Variants in SLBP observed in about 807,000 individuals in gnomAD.
The protein encoded by SLBP is histone RNA hairpin-binding protein.
A neutral mutation model predicts 39.2 loss-of-function variants in SLBP; 29 were observed. The observed-to-expected ratio is 0.74, with a 90% CI of 0.55 to 1.01. The LOEUF is 1.01. Among genes scored for constraint, SLBP ranks in the 50% least tolerant of loss-of-function variants. The pLI, the probability that SLBP is intolerant of heterozygous loss-of-function variation, is 0.00. For synonymous variants in SLBP, 129 were observed against 118.7 expected, an observed-to-expected ratio of 1.09 and a Z score of -0.57; for missense variants, 390 against 350.2, an observed-to-expected ratio of 1.11 and a Z score of -0.91.
intron 2 of SLBP, among the ~76,000 whole-genome samples, chr4:1,704,016 G>A (rs1171133788): frequency 6.6e-6 from 1 of 152,174 alleles, no homozygotes. Context: ...CCTATCAGCT[G>A]CATCTGTCTA....
In SLBP at chr4:1,693,517, GCACA is replaced by G. The variant is rs1211899738; in HGVS notation, c.*76_*79del. The G allele has an allele frequency of 1.2e-6, 1 of 810,128 alleles. No individual in the cohort carries two copies. The highest frequency in any genetic ancestry group is 1.7e-5 in the African/African-American group (1 of 59,854). The allele number at this position is 810,128 out of a possible 1,614,324, so 50.2% of individuals were successfully genotyped here. On this transcript the variant is annotated 3_prime_UTR_variant, in exon 8 of 8. Coordinates refer to ENST00000489418, the MANE Select transcript of SLBP (RefSeq NM_006527.4). ...AACAGAGAAACCACCAGGTACAAGTGCACACACATGCTTGGTGCCTGGCCAGCCT... is the reference window on the plus strand; with the variant it reads ...AACAGAGAAACCACCAGGTACAAGTGCACATGCTTGGTGCCTGGCCAGCCT...
intron 5 of SLBP, among the ~76,000 whole-genome samples, chr4:1,698,651 A>G (rs929266133): frequency 6.6e-6 from 1 of 151,092 alleles, no homozygotes; most frequent in African/African-American, 2.4e-5. Context: ...CGCCCAGCAA[A>G]TTTCTTGTAT....
At chr4:1,696,755 G>A (rs942330683) in intron 5 of SLBP, among the ~76,000 whole-genome samples, 14 of 151,734 alleles carry the variant, frequency 9.2e-5, no homozygotes, top group Non-Finnish European at 1.5e-4. Context: ...AAAATTAGCC[G>A]GGCGTGGTGG....
chr4:1,711,685 C>T (rs576997314), intron 2 of SLBP, among the ~76,000 whole-genome samples, 189 bp downstream of exon 2: 81 of 152,228 alleles, frequency 5.3e-4, no homozygotes, highest in Non-Finnish European at 1.0e-3. Context: ...AAGAGGCTTC[C>T]GGAGTGTTCC....
In SLBP at chr4:1,696,265, A is replaced by C. The variant is rs773272258; in HGVS notation, c.566T>G (p.Leu189Arg). 5.6e-6 allele frequency: 9 copies of C among 1,605,304 alleles called. No homozygotes were observed. The highest frequency in any genetic ancestry group is 7.6e-6 in the Non-Finnish European group (9 of 1,176,624). ...CCAAAAATGCAGAGCCACCTTCCAG[A>C]GTTTGATTTGCTGGTCCCATGAACG... Reference protein sequence around the residue: ...SRRSWDQQIKLWKVALHFWDP... With the variant: ...SRRSWDQQIKRWKVALHFWDP... The change falls in exon 6 of 8, where the codon CTC becomes CGC. Residue 189 changes from leucine (L) to arginine (R), a missense_variant. Coordinates refer to ENST00000489418, the MANE Select transcript of SLBP (RefSeq NM_006527.4).
At chr4:1,704,653 T>C (rs1716450962) in intron 2 of SLBP, among the ~76,000 whole-genome samples, 1 of 152,130 alleles carries the variant, frequency 6.6e-6, no homozygotes, top group Admixed American at 6.5e-5. Flanking sequence ...TGGCTGGCCA[T>C]ACAGAGGGAT....
At chr4:1,698,535 AGTGCAGTG>A (rs1280091231) in intron 5 of SLBP, among the ~76,000 whole-genome samples, 1 of 150,718 alleles carries the variant, frequency 6.6e-6, no homozygotes, top group Non-Finnish European at 1.5e-5. Context: ...CCCAGGCTGG[AGTGCAGTG>A]GTGCAATCTC....
intron 3 of SLBP, among the ~76,000 whole-genome samples, chr4:1,703,253 AG>A (rs1291506721): frequency 6.4e-5 from 9 of 140,788 alleles, no homozygotes; most frequent in Non-Finnish European, 9.2e-5. Flanking sequence ...AAAAAAAAAA[AG>A]AAAGTTAGTT....
intron 4 of SLBP, 125 bp from the exon 5 acceptor site, chr4:1,699,826 C>A (rs1716258138): frequency 1.0e-6 from 1 of 952,976 alleles, no homozygotes; most frequent in Non-Finnish European, 1.6e-6. Flanking sequence ...CCATATGAAT[C>A]CTAAATAGTC....
chr4:1,702,711 G>A (rs1287582575), intron 3 of SLBP, among the ~76,000 whole-genome samples: 1 of 152,188 alleles, frequency 6.6e-6, no homozygotes, highest in African/African-American at 2.4e-5. Flanking sequence ...ATGAGTCAAC[G>A]AAGACGAAGT....
At chr4:1,705,173 T>C (rs1323339669) in intron 2 of SLBP, among the ~76,000 whole-genome samples, 3 of 152,142 alleles carry the variant, frequency 2.0e-5, no homozygotes, top group Non-Finnish European at 2.9e-5. Context: ...GTGATCCACC[T>C]GCCTCGGCCT....
intron 5 of SLBP, among the ~76,000 whole-genome samples, chr4:1,697,979 T>G (rs1167108790): frequency 2.0e-5 from 3 of 151,694 alleles, no homozygotes; most frequent in African/African-American, 7.3e-5. Context: ...TTTAAAAGTT[T>G]AGCCAGGTGT....
At position 1,698,410 on chromosome 4, in the gene SLBP, G is replaced by GAA. The variant is rs57063368; in HGVS notation, c.479+1152_479+1153dup. 2.6e-3 allele frequency among the ~76,000 whole-genome samples: 373 copies of GAA among 143,372 alleles called. 2 individuals carry two copies. The highest frequency in any genetic ancestry group is 4.5e-3 in the African/African-American group (172 of 38,242). The allele number at this position is 143,372 out of a possible 152,430, so 94.1% of individuals were successfully genotyped here. A position where few individuals can be genotyped will look rare whatever the true frequency, so the allele number is the denominator to read the frequency against. The stretch of plus-strand genomic sequence containing the variant: ...GTAACAGCAAGACTCGGTCAGGAGG[G>GAA]AAAAAAAAAAGCACCATCACATTGA... On this transcript the variant is annotated intron_variant, in intron 5 of 7. Transcript: ENST00000489418.
chr4:1,693,372 C>T lies in SLBP; in HGVS notation c.*225G>A, dbSNP rs891436588. On this transcript the variant is annotated 3_prime_UTR_variant, in exon 8 of 8. Coordinates refer to ENST00000489418, the MANE Select transcript of SLBP (RefSeq NM_006527.4). ...GCTCGCTGGAAGAGAGCTTCAAGTA[C>T]TTTCTTGGACTTAGCTCCATTTACA... is the stretch of plus-strand genomic sequence containing the variant. 21 of 443,148 alleles carry T rather than the reference C, an allele frequency of 4.7e-5. No homozygotes were observed. Among genetic ancestry groups the T allele is most frequent in the Admixed American group, 3.9e-4 (10 of 25,470 alleles). 27.5% of individuals were successfully genotyped at this position (443,148 alleles called of 1,614,324 possible). A position where few individuals can be genotyped will look rare whatever the true frequency, so the allele number is the denominator to read the frequency against.
Position 1,693,604 on chromosome 4 carries a change from A to G in SLBP, c.806T>C (p.Met269Thr). The G allele has an allele frequency of 6.2e-7, 1 of 1,606,344 alleles. No homozygotes were observed. The highest frequency in any genetic ancestry group is 8.5e-7 in the Non-Finnish European group (1 of 1,172,900). ...LTEPLRDFSA[M>T]S Reference sequence around the variant, plus strand: ...CTGGCCGCCAGGGGGCAGTTAGCTCATGGCTGAGAAGTCTCTCAAGGGTTC... The same window carrying G: ...CTGGCCGCCAGGGGGCAGTTAGCTCGTGGCTGAGAAGTCTCTCAAGGGTTC... Residue 269 changes from methionine (M) to threonine (T), a missense_variant, in exon 8 of 8, where the codon ATG (methionine) becomes ACG (threonine). Coordinates refer to ENST00000489418, the MANE Select transcript of SLBP (RefSeq NM_006527.4).
intron 3 of SLBP, among the ~76,000 whole-genome samples, chr4:1,700,716 C>G (rs1041427667): frequency 1.3e-5 from 2 of 152,082 alleles, no homozygotes; most frequent in African/African-American, 4.8e-5. Flanking sequence ...AGTGCCGCCA[C>G]AACCATCTCC....
At chr4:1,693,754 C>A (rs746698913) in intron 7 of SLBP, 41 bp from the exon 8 acceptor site, 5 of 1,363,644 alleles carry the variant, frequency 3.7e-6, no homozygotes. Flanking sequence ...TTCATCTCAC[C>A]CTGAAAACAG....
intron 3 of SLBP, among the ~76,000 whole-genome samples, chr4:1,700,914 A>AAT (rs1376532906): frequency 1.3e-5 from 2 of 151,838 alleles, no homozygotes; most frequent in Non-Finnish European, 2.9e-5. Flanking sequence ...CTCCTCTCAA[A>AAT]ATCTAAAATC....
chr4:1,700,043 G>A lies in SLBP; in HGVS notation c.309C>T (p.Asp103=). ...ATGATGATTTTCTCTCTCTTCCAAA[G>A]TCATTGATGAGGAGTTTCCTTTTAT... ...ARYKRKLLIN[D]FGRERKSSSG... is the part of the protein sequence containing the mutation. The change falls in exon 4 of 8, where the codon GAC becomes GAT. Residue 103 remains aspartate, a synonymous_variant. Coordinates refer to ENST00000489418, the MANE Select transcript of SLBP (RefSeq NM_006527.4). 1 of 1,600,162 alleles carries A rather than the reference G, an allele frequency of 6.2e-7. No individual in the cohort carries two copies. Among genetic ancestry groups the A allele is most frequent in the Non-Finnish European group, 8.5e-7 (1 of 1,170,462 alleles).
Sources: gnomAD v4.1 joint callset for allele counts (sites outside exome capture counted in the v4.1 genomes callset) on GRCh38, gnomAD v4.1.1 for gene constraint, MANE v1.5 for transcripts, NCBI Gene and HGNC (gene_info 2026-07-23, HGNC 2026-07-21) for gene names.